Variants in MACROD2 observed in about 807,000 individuals in gnomAD.
MACROD2 encodes the protein mono-ADP ribosylhydrolase 2, also known as ADP-ribose glycohydrolase MACROD2.
In MACROD2, 36 loss-of-function variants were observed where a neutral mutation model predicts 70.4. The observed-to-expected ratio is 0.51, with a 90% CI of 0.39 to 0.68. The LOEUF is 0.68. Among genes scored for constraint, MACROD2 ranks in the 30% least tolerant of loss-of-function variants. The pLI, the probability that MACROD2 is intolerant of heterozygous loss-of-function variation, is 0.00. For synonymous variants in MACROD2, 172 were observed against 178.8 expected (o/e 0.96, Z 0.30); for missense variants, 496 against 538.4 (o/e 0.92, Z 0.78).
At chr20:15,577,785 C>T (rs1238789001) in intron 8 of MACROD2, among the ~76,000 whole-genome samples, 1 of 152,158 alleles carries the variant, frequency 6.6e-6, no homozygotes, top group African/African-American at 2.4e-5. Context: ...ATGTGCTTCC[C>T]TCATTGTTTT....
chr20:14,683,157 G>A (rs112324004), intron 4 of MACROD2, among the ~76,000 whole-genome samples: 13 of 152,258 alleles, frequency 8.5e-5, no homozygotes, highest in African/African-American at 3.1e-4. Flanking sequence ...GGGATTACAG[G>A]CATGAGCCAC....
chr20:14,134,280 A>G (rs957697958), intron 3 of MACROD2, among the ~76,000 whole-genome samples: 4 of 152,166 alleles, frequency 2.6e-5, no homozygotes, highest in African/African-American at 7.2e-5. Flanking sequence ...AGAATCTTAC[A>G]TGTTAATATG....
intron 6 of MACROD2, among the ~76,000 whole-genome samples, chr20:15,329,930 A>G (rs959088761): frequency 6.6e-6 from 1 of 152,048 alleles, no homozygotes; most frequent in African/African-American, 2.4e-5. Context: ...GTAAAATCAT[A>G]AGACCCTTAT....
chr20:15,094,144 T>C (rs2075811899), intron 5 of MACROD2, among the ~76,000 whole-genome samples: 1 of 152,212 alleles, frequency 6.6e-6, no homozygotes, highest in South Asian at 2.1e-4. Flanking sequence ...ACTTTAACTT[T>C]CAGCTGAAGT....
chr20:14,876,951 T>C (rs539674933), intron 5 of MACROD2, among the ~76,000 whole-genome samples: 115 of 152,322 alleles, frequency 7.5e-4, no homozygotes, highest in African/African-American at 2.4e-3. Flanking sequence ...TTCAGGCTCC[T>C]TTTTGGTTTT....
chr20:14,227,530 T>A lies in MACROD2; in HGVS notation c.271+141802T>A, dbSNP rs188205350. Reference sequence around the variant, plus strand: ...TCGCCGCCAAGGTCTGCAGCTTCACTCCTGAGCCAGCGAGACCATGCACCC... The same window carrying A: ...TCGCCGCCAAGGTCTGCAGCTTCACACCTGAGCCAGCGAGACCATGCACCC... On this transcript the variant is annotated intron_variant, in intron 3 of 17. Coordinates refer to ENST00000684519, the MANE Select transcript of MACROD2 (RefSeq NM_001351661.2). Among the ~76,000 whole-genome samples the A allele has an allele frequency of 4.5e-4, 68 of 151,978 alleles. No homozygotes were observed. In the East Asian group the frequency reaches 9.1e-3, roughly 20 times the overall value.
intron 6 of MACROD2, among the ~76,000 whole-genome samples, chr20:15,317,482 AATCTATCTATCTATCT>A (rs57469228): frequency 2.9e-4 from 43 of 145,870 alleles, no homozygotes; most frequent in Admixed American, 8.3e-4. Flanking sequence ...CCATCCATCT[AATCTATCTATCTATCT>A]ATCTATCTAT....
chr20:15,448,645 T>C lies in MACROD2; in HGVS notation c.571+17210T>C, dbSNP rs142308698. Among the ~76,000 whole-genome samples the C allele has an allele frequency of 4.7e-3, 709 of 152,272 alleles. 4 individuals carry two copies. Among genetic ancestry groups the C allele is most frequent in the African/African-American group, 0.015 (625 of 41,564 alleles). On this transcript the variant is annotated intron_variant, in intron 7 of 17. Coordinates refer to ENST00000684519, the MANE Select transcript of MACROD2 (RefSeq NM_001351661.2). ...TGGTCTATCTTCATTATAAATTAAG[T>C]CACTTTTGGGCTTGTCCTGACAACA...
Position 13,997,053 on chromosome 20 carries a change from A to G in MACROD2, c.46+1244A>G, listed in dbSNP as rs1035622943. 3.3e-5 allele frequency among the ~76,000 whole-genome samples: 5 copies of G among 152,234 alleles called. No individual in the cohort carries two copies. In the East Asian group the frequency reaches 5.8e-4, roughly 18 times the overall value. On this transcript the variant is annotated intron_variant, in intron 1 of 17. Coordinates refer to ENST00000684519, the MANE Select transcript of MACROD2 (RefSeq NM_001351661.2). ...AATCCACTATATAGGATCGGCTTCC[A>G]CAATGCACGAACAAAGGCGTGAGGA... is the stretch of plus-strand genomic sequence containing the variant.
At chr20:14,152,071 T>TC (rs2055032165) in intron 3 of MACROD2, among the ~76,000 whole-genome samples, 1 of 152,156 alleles carries the variant, frequency 6.6e-6, no homozygotes, top group African/African-American at 2.4e-5. Context: ...TCTGCCCGCG[T>TC]CAGCCTCCCA....
At chr20:15,639,825 GAAAC>G (rs1041723172) in intron 8 of MACROD2, among the ~76,000 whole-genome samples, 1 of 151,924 alleles carries the variant, frequency 6.6e-6, no homozygotes, top group African/African-American at 2.4e-5. Flanking sequence ...GAAAAGGAAA[GAAAC>G]AAAGAGAAGA....
chr20:14,183,641 A>G (rs550954962), intron 3 of MACROD2, among the ~76,000 whole-genome samples: 3 of 152,062 alleles, frequency 2.0e-5, no homozygotes, highest in Admixed American at 2.0e-4. Flanking sequence ...CCCATCCTGG[A>G]CGTATAAATT....
intron 7 of MACROD2, among the ~76,000 whole-genome samples, chr20:15,445,303 T>C (rs2046547821): frequency 6.6e-6 from 1 of 152,174 alleles, no homozygotes; most frequent in African/African-American, 2.4e-5. Context: ...GTTTGTAACA[T>C]TATCATACCA....
At chr20:14,350,174 G>C (rs2083109288) in intron 3 of MACROD2, among the ~76,000 whole-genome samples, 1 of 152,116 alleles carries the variant, frequency 6.6e-6, no homozygotes, top group South Asian at 2.1e-4. Context: ...GTTGTGAGCA[G>C]TTCTGGAACA....
At chr20:15,573,968 A>C (rs2048410160) in intron 8 of MACROD2, among the ~76,000 whole-genome samples, 1 of 152,166 alleles carries the variant, frequency 6.6e-6, no homozygotes, top group African/African-American at 2.4e-5. Flanking sequence ...GGTTCAGCTC[A>C]GTGTGATTTT....
intron 7 of MACROD2, among the ~76,000 whole-genome samples, chr20:15,432,531 C>G (rs1438145659): frequency 6.6e-6 from 1 of 152,062 alleles, no homozygotes; most frequent in Non-Finnish European, 1.5e-5. Context: ...GCCATTCTTT[C>G]TGCCTCACAA....
At chr20:15,523,050 G>T (rs1385139898) in intron 8 of MACROD2, among the ~76,000 whole-genome samples, 1 of 152,094 alleles carries the variant, frequency 6.6e-6, no homozygotes, top group African/African-American at 2.4e-5. Flanking sequence ...GCAGCTAGAG[G>T]GACTGGTGTT....
chr20:15,770,930 C>G (rs761236567), intron 8 of MACROD2, among the ~76,000 whole-genome samples: 11 of 152,270 alleles, frequency 7.2e-5, no homozygotes, highest in Middle Eastern at 6.8e-3. Context: ...TTGGCCAAAG[C>G]AAGTCTCGTG....
chr20:15,021,256 A>G (rs375058717), intron 5 of MACROD2, among the ~76,000 whole-genome samples: 1,899 of 83,716 alleles, frequency 0.023, 280 homozygotes, highest in Non-Finnish European at 0.035. Context: ...GTATGTATAC[A>G]CACACCTGTG....
Sources: gnomAD v4.1 joint callset for allele counts (sites outside exome capture counted in the v4.1 genomes callset) on GRCh38, gnomAD v4.1.1 for gene constraint, MANE v1.5 for transcripts, NCBI Gene and HGNC (gene_info 2026-07-23, HGNC 2026-07-21) for gene names.